Variants in FANCC observed in about 807,000 individuals in gnomAD.
The protein encoded by FANCC is Fanconi anemia group C protein.
A neutral mutation model predicts 71.3 loss-of-function variants in FANCC; 55 were observed. The ratio of observed to expected loss-of-function variants is 0.77; its 90% CI spans 0.62 to 0.97. The LOEUF (loss-of-function observed/expected upper bound fraction) is 0.97. FANCC is among the 50% of genes least tolerant of loss of function. FANCC has a pLI of 0.00. For missense variants in FANCC, 678 were observed against 670.9 expected, an observed-to-expected ratio of 1.01 and a Z score of -0.12; for synonymous variants, 275 against 244.9, an observed-to-expected ratio of 1.12 and a Z score of -1.15.
intron 4 of FANCC, among the ~76,000 whole-genome samples, chr9:95,209,256 A>G (rs1828340177): frequency 6.6e-6 from 1 of 152,208 alleles, no homozygotes; most frequent in South Asian, 2.1e-4. Flanking sequence ...GAGCACGAAT[A>G]ATTTCTAGGG....
chr9:95,143,567 A>C (rs554985765), intron 7 of FANCC, among the ~76,000 whole-genome samples: 1 of 152,218 alleles, frequency 6.6e-6, no homozygotes, highest in Admixed American at 6.5e-5. Flanking sequence ...GCCTGGATGA[A>C]GACCAAATGC....
At chr9:95,242,470 A>G (rs980803421) in intron 3 of FANCC, among the ~76,000 whole-genome samples, 3 of 144,442 alleles carry the variant, frequency 2.1e-5, no homozygotes, top group East Asian at 2.0e-4. Context: ...AAAACCAGAC[A>G]TTCACCACCA....
At chr9:95,294,534 T>A (rs942868292) in intron 1 of FANCC, 1 of 1,550,470 alleles carries the variant, frequency 6.4e-7, no homozygotes, top group Non-Finnish European at 8.9e-7. Flanking sequence ...TTTCCATGAG[T>A]ACTGATTCAT....
chr9:95,262,237 T>G (rs1168208276), intron 1 of FANCC, among the ~76,000 whole-genome samples: 1 of 152,002 alleles, frequency 6.6e-6, no homozygotes, highest in Admixed American at 6.6e-5. Flanking sequence ...AGGAGAAGGA[T>G]ATATTCAAAA....
At position 95,257,887 on chromosome 9, in the gene FANCC, G is replaced by T. The variant is rs576634131; in HGVS notation, c.-78-8518C>A. ...CACAGAAATACAAGCTACCATCAGAGAATACTATAAACACCTCTACACAAA... is the reference window on the plus strand; with the variant it reads ...CACAGAAATACAAGCTACCATCAGATAATACTATAAACACCTCTACACAAA... On this transcript the variant is annotated intron_variant, in intron 1 of 14. Transcript: ENST00000289081. 2.0e-5 allele frequency among the ~76,000 whole-genome samples: 3 copies of T among 152,282 alleles called. No individual in the cohort carries two copies. The South Asian group carries it at 6.2e-4, about 32-fold the overall frequency.
intron 1 of FANCC, among the ~76,000 whole-genome samples, chr9:95,291,005 A>G (rs1026345428): frequency 6.6e-6 from 1 of 152,248 alleles, no homozygotes; most frequent in Non-Finnish European, 1.5e-5. Context: ...AGATGCAGAA[A>G]GAGCATTTGA....
At chr9:95,102,988 G>A (rs757457645) in intron 14 of FANCC, among the ~76,000 whole-genome samples, 7 of 152,218 alleles carry the variant, frequency 4.6e-5, no homozygotes, top group Non-Finnish European at 5.9e-5. Flanking sequence ...GTCCCTGGGC[G>A]TCTGTATTGC....
At chr9:95,262,430 C>T (rs1457779792) in intron 1 of FANCC, among the ~76,000 whole-genome samples, 2 of 152,060 alleles carry the variant, frequency 1.3e-5, no homozygotes, top group Non-Finnish European at 2.9e-5. Flanking sequence ...AACAGAAAAC[C>T]ATCTCCCTTC....
intron 4 of FANCC, among the ~76,000 whole-genome samples, chr9:95,189,046 A>G (rs1588250413): frequency 6.6e-6 from 1 of 152,244 alleles, no homozygotes; most frequent in African/African-American, 2.4e-5. Context: ...AAATACTGTG[A>G]ATATCAATTA....
intron 4 of FANCC, among the ~76,000 whole-genome samples, chr9:95,238,857 C>T (rs1396170512): frequency 6.6e-6 from 1 of 152,146 alleles, no homozygotes; most frequent in Non-Finnish European, 1.5e-5. Context: ...CGCGCCCAGG[C>T]ATGATTTCTC....
chr9:95,153,932 T>C (rs554424388), intron 6 of FANCC, among the ~76,000 whole-genome samples: 1 of 152,156 alleles, frequency 6.6e-6, no homozygotes, highest in African/African-American at 2.4e-5. Context: ...TGTTGTTCAA[T>C]ACAAACTATA....
intron 8 of FANCC, among the ~76,000 whole-genome samples, chr9:95,128,909 CTTT>C (rs756314206): frequency 2.1e-5 from 3 of 144,678 alleles, no homozygotes; most frequent in East Asian, 2.0e-4. Context: ...AACCAGTCTC[CTTT>C]TTTTTTTTTT....
chr9:95,304,840 T>C (rs1429420846), intron 1 of FANCC, among the ~76,000 whole-genome samples: 3 of 151,574 alleles, frequency 2.0e-5, no homozygotes, highest in South Asian at 4.2e-4. Flanking sequence ...TCCTTTATGC[T>C]GATGGAAATA....
At chr9:95,292,083 T>A (rs1460775995) in intron 1 of FANCC, among the ~76,000 whole-genome samples, 1 of 145,814 alleles carries the variant, frequency 6.9e-6, no homozygotes, top group African/African-American at 2.5e-5. Context: ...ACTACAAAGC[T>A]ATAGTAAGCA....
At chr9:95,290,227 T>G (rs891633459) in intron 1 of FANCC, among the ~76,000 whole-genome samples, 9 of 152,164 alleles carry the variant, frequency 5.9e-5, no homozygotes, top group Non-Finnish European at 8.8e-5. Context: ...GCCATGCAAA[T>G]CCATCCTTTG....
At chr9:95,162,409 A>G (rs998494954) in intron 6 of FANCC, among the ~76,000 whole-genome samples, 3 of 152,328 alleles carry the variant, frequency 2.0e-5, no homozygotes, top group East Asian at 3.9e-4. Context: ...ATAATGCTCA[A>G]TGAACATGGG....
At position 95,100,998 on chromosome 9, in the gene FANCC, A is replaced by C. The variant is rs572664166; in HGVS notation, c.*709T>G. 3.4e-5 allele frequency: 8 copies of C among 233,494 alleles called. No individual in the cohort carries two copies. In the South Asian group the frequency reaches 1.4e-3, roughly 42 times the overall value. The allele number at this position is 233,494 out of a possible 1,614,324, so 14.5% of individuals were successfully genotyped here. On this transcript the variant is annotated 3_prime_UTR_variant, in exon 15 of 15. Transcript: ENST00000289081. Reference sequence around the variant, plus strand: ...AACAAGAGAACTAACTAACTGAATTAATCCTGCCTTCTAATGTTTCTGGAA... The same window carrying C: ...AACAAGAGAACTAACTAACTGAATTCATCCTGCCTTCTAATGTTTCTGGAA...
intron 6 of FANCC, among the ~76,000 whole-genome samples, chr9:95,162,038 C>T (rs566855144): frequency 2.0e-4 from 31 of 152,122 alleles, no homozygotes; most frequent in East Asian, 3.9e-4. Context: ...GATGGAGTTT[C>T]GCCGTGTTGG....
intron 8 of FANCC, among the ~76,000 whole-genome samples, chr9:95,128,788 C>T (rs546909353): frequency 3.9e-4 from 60 of 152,352 alleles, no homozygotes; most frequent in Admixed American, 1.2e-3. Flanking sequence ...ATTTCAGACC[C>T]TTGGCTACTC....
Sources: gnomAD v4.1 joint callset for allele counts (sites outside exome capture counted in the v4.1 genomes callset) on GRCh38, gnomAD v4.1.1 for gene constraint, MANE v1.5 for transcripts, NCBI Gene and HGNC (gene_info 2026-07-23, HGNC 2026-07-21) for gene names.